The following ASTN2 variants were observed in gnomAD, a reference collection of about 807,000 sequenced individuals.
ASTN2 encodes the protein astrotactin-2.
In ASTN2, 54 loss-of-function variants were observed where a neutral mutation model predicts 139.8. The ratio of observed to expected loss-of-function variants is 0.39; its 90% CI spans 0.31 to 0.48. ASTN2 has a LOEUF of 0.48. Ranked by LOEUF, ASTN2 falls within the 20% of genes least tolerant of loss-of-function variation. The probability of loss-of-function intolerance (pLI) is 0.95; values close to 1 mark genes in which losing one functional copy is unlikely to be tolerated. For missense variants in ASTN2, 1,565 were observed against 1,725.1 expected, an observed-to-expected ratio of 0.91 and a Z score of 1.64; for synonymous variants, 756 against 719.5, an observed-to-expected ratio of 1.05 and a Z score of -0.81.
At chr9:117,211,951 G>GA (rs1184014896) in intron 3 of ASTN2, among the ~76,000 whole-genome samples, 26 of 61,106 alleles carry the variant, frequency 4.3e-4, no homozygotes, top group African/African-American at 1.2e-3. Context: ...GCAATCTTGA[G>GA]AAAAAAATAA....
intron 10 of ASTN2, among the ~76,000 whole-genome samples, chr9:116,901,338 C>T (rs1048065313): frequency 8.6e-5 from 13 of 151,992 alleles, no homozygotes; most frequent in African/African-American, 2.9e-4. Flanking sequence ...ATAGTAAAAC[C>T]TTATTGCTAC....
chr9:116,804,651 T>C (rs188529180), intron 13 of ASTN2, among the ~76,000 whole-genome samples: 2 of 152,280 alleles, frequency 1.3e-5, no homozygotes, highest in African/African-American at 4.8e-5. Context: ...TAACCATTTA[T>C]TACCACTCAT....
chr9:116,855,887 C>A (rs1041307790), intron 11 of ASTN2, among the ~76,000 whole-genome samples: 1 of 152,150 alleles, frequency 6.6e-6, no homozygotes, highest in Non-Finnish European at 1.5e-5. Flanking sequence ...CTCTATATAT[C>A]CGTATCAGTA....
intron 10 of ASTN2, among the ~76,000 whole-genome samples, chr9:116,886,242 T>C (rs1588384554): frequency 6.6e-6 from 1 of 152,334 alleles, no homozygotes; most frequent in Non-Finnish European, 1.5e-5. Context: ...CCTGCCTGCC[T>C]TGCCAGTGGG....
chr9:116,868,854 G>T (rs1411556941), intron 10 of ASTN2, among the ~76,000 whole-genome samples: 1 of 152,104 alleles, frequency 6.6e-6, no homozygotes, highest in Non-Finnish European at 1.5e-5. Context: ...TCATCATATG[G>T]CCTTCTTGCC....
At chr9:117,106,123 G>C (rs1404880586) in intron 4 of ASTN2, among the ~76,000 whole-genome samples, 2 of 152,182 alleles carry the variant, frequency 1.3e-5, no homozygotes, top group Non-Finnish European at 2.9e-5. Flanking sequence ...CTTTTGAAAT[G>C]GTAGAGTCAG....
intron 13 of ASTN2, among the ~76,000 whole-genome samples, chr9:116,788,002 A>G (rs567392022): frequency 2.6e-5 from 4 of 152,328 alleles, no homozygotes; most frequent in African/African-American, 7.2e-5. Context: ...AAATAAAAAA[A>G]TATATTTTTA....
At chr9:116,991,586 T>TAAA (rs5900249) in intron 7 of ASTN2, among the ~76,000 whole-genome samples, 5 of 141,726 alleles carry the variant, frequency 3.5e-5, no homozygotes, top group African/African-American at 1.3e-4. Context: ...TCCCTCTTAT[T>TAAA]AAAAAAAAAA....
intron 11 of ASTN2, among the ~76,000 whole-genome samples, chr9:116,832,735 T>C (rs1285913186): frequency 6.6e-6 from 1 of 152,112 alleles, no homozygotes; most frequent in African/African-American, 2.4e-5. Flanking sequence ...TTATCTTTTA[T>C]GTATTGTTGA....
chr9:116,952,921 A>G lies in ASTN2; in HGVS notation c.1889+22287T>C, dbSNP rs79373641. Reference sequence around the variant, plus strand: ...GGGCTGTTGACATGTAGCCTAACAAAATGTGAAAGACCCTCTGACAGGGAT... The same window carrying G: ...GGGCTGTTGACATGTAGCCTAACAAGATGTGAAAGACCCTCTGACAGGGAT... On this transcript the variant is annotated intron_variant, in intron 10 of 22. Transcript: ENST00000313400. Among the ~76,000 whole-genome samples the G allele has an allele frequency of 5.1e-3, 781 of 152,244 alleles. 6 individuals carry two copies. The highest frequency in any genetic ancestry group is 8.4e-3 in the Non-Finnish European group (569 of 68,006).
At chr9:117,306,667 C>T (rs1806551287) in intron 1 of ASTN2, among the ~76,000 whole-genome samples, 1 of 152,182 alleles carries the variant, frequency 6.6e-6, no homozygotes, top group South Asian at 2.1e-4. Flanking sequence ...GCGACAACTA[C>T]ACCTTCCAGT....
chr9:117,171,633 G>A (rs1305715666), intron 3 of ASTN2, among the ~76,000 whole-genome samples: 1 of 151,998 alleles, frequency 6.6e-6, no homozygotes, highest in Non-Finnish European at 1.5e-5. Context: ...TAGTGAGTGA[G>A]ATCTCATGAG....
At chr9:116,884,167 G>T (rs1467958217) in intron 10 of ASTN2, among the ~76,000 whole-genome samples, 1 of 152,096 alleles carries the variant, frequency 6.6e-6, no homozygotes, top group Non-Finnish European at 1.5e-5. Flanking sequence ...AGACAGGCAG[G>T]CTTCTAGACA....
intron 5 of ASTN2, among the ~76,000 whole-genome samples, chr9:117,065,800 C>T (rs928639191): frequency 6.6e-6 from 1 of 152,142 alleles, no homozygotes; most frequent in Non-Finnish European, 1.5e-5. Flanking sequence ...TAAAGAGACT[C>T]AGGTTTTCAG....
chr9:116,803,799 C>T (rs1033505001), intron 13 of ASTN2, among the ~76,000 whole-genome samples: 1 of 151,212 alleles, frequency 6.6e-6, no homozygotes, highest in Non-Finnish European at 1.5e-5. Flanking sequence ...GCTGGGATTA[C>T]AGGTGTGAGC....
At chr9:117,217,302 T>C (rs1191752170) in intron 2 of ASTN2, among the ~76,000 whole-genome samples, 1 of 152,204 alleles carries the variant, frequency 6.6e-6, no homozygotes, top group African/African-American at 2.4e-5. Flanking sequence ...TTCTCAACTT[T>C]GGGCATTTCA....
intron 10 of ASTN2, among the ~76,000 whole-genome samples, chr9:116,962,690 C>T (rs553922712): frequency 6.6e-6 from 1 of 152,276 alleles, no homozygotes; most frequent in South Asian, 2.1e-4. Flanking sequence ...ATGGAATCCT[C>T]CTTTTTAATT....
intron 19 of ASTN2, among the ~76,000 whole-genome samples, chr9:116,534,658 T>C (rs1851528459): frequency 1.3e-5 from 2 of 152,196 alleles, no homozygotes; most frequent in Non-Finnish European, 2.9e-5. Context: ...AGTTTCCATG[T>C]AGTTGAGTGG....
chr9:116,534,319 G>A (rs1005760355), intron 19 of ASTN2, among the ~76,000 whole-genome samples: 18 of 152,236 alleles, frequency 1.2e-4, no homozygotes, highest in Admixed American at 7.8e-4. Flanking sequence ...CCAGCTCCTG[G>A]ATTCATTGAT....
Sources: allele counts gnomAD v4.1 joint callset (sites outside exome capture counted in the v4.1 genomes callset), GRCh38; gene constraint gnomAD v4.1.1; transcripts MANE v1.5; gene names NCBI Gene and HGNC (gene_info 2026-07-23, HGNC 2026-07-21).